Variants in ZNF462 observed in about 807,000 individuals in gnomAD.
The protein encoded by ZNF462 is zinc finger PBX1-interacting protein.
In ZNF462, 10 loss-of-function variants were observed where a neutral mutation model predicts 201.9. That is an observed-to-expected ratio of 0.05 (90% confidence interval 0.03 to 0.08). ZNF462 has a LOEUF of 0.08. Ranked by LOEUF, ZNF462 falls within the 10% of genes least tolerant of loss-of-function variation. The pLI, the probability that ZNF462 is intolerant of heterozygous loss-of-function variation, is 1.00. For synonymous variants in ZNF462, 1,227 were observed against 1,193.3 expected (o/e 1.03, Z -0.58); for missense variants, 2,523 against 3,168.3 (o/e 0.80, Z 4.89).
At position 106,905,953 on chromosome 9, in the gene ZNF462, A is replaced by G. The variant is rs192603896; in HGVS notation, c.-30-17401A>G. On this transcript the variant is annotated intron_variant, in intron 1 of 12. Transcript: ENST00000277225. This position sits in a 1 kb window ranked among gnomAD's most constrained non-coding sequence, Gnocchi z 5.9. ...AAATTGTTACAAAGTTCAGCTACAG[A>G]GTTCCTTCTCCCTGTGGAGTTTTAC... 6.6e-6 allele frequency among the ~76,000 whole-genome samples: 1 copy of G among 152,268 alleles called. No individual in the cohort carries two copies. The highest frequency in any genetic ancestry group is 1.5e-5 in the Non-Finnish European group (1 of 68,026).
Position 106,927,580 on chromosome 9 carries a change from C to T in ZNF462, c.3668C>T (p.Ala1223Val), listed in dbSNP as rs1476433684. Residue 1223 changes from alanine (A) to valine (V), a missense_variant, in exon 3 of 13, where the codon GCA becomes GTA. Ala to Val is a moderately conservative substitution (Grantham distance 64). Around this residue, in one of 15 missense-constraint regions of ZNF462, gnomAD observed 222 missense variants for 271.6 expected, o/e 0.82. Coordinates refer to ENST00000277225, the MANE Select transcript of ZNF462 (RefSeq NM_021224.6). ...AAGCACCGAGACTTCAAGGCCAATG[C>T]AGATGTGATCCGGCAGCATACGGCC... is the stretch of plus-strand genomic sequence containing the variant. ...QKKHRDFKAN[A>V]DVIRQHTATI... 1.9e-6 allele frequency: 3 copies of T among 1,613,882 alleles called. No homozygotes were observed. In the South Asian group the frequency reaches 3.3e-5, roughly 18 times the overall value.
chr9:106,956,038 A>G (rs1411289838), intron 7 of ZNF462, among the ~76,000 whole-genome samples: 1 of 152,124 alleles, frequency 6.6e-6, no homozygotes, highest in African/African-American at 2.4e-5. Flanking sequence ...ACGTCCTCCC[A>G]TGAATCACAG....
intron 7 of ZNF462, among the ~76,000 whole-genome samples, chr9:106,971,595 A>G (rs972615078): frequency 1.3e-5 from 2 of 151,532 alleles, no homozygotes; most frequent in South Asian, 4.2e-4. Flanking sequence ...AAAAAAAAAA[A>G]GAACTCTCAA....
At chr9:106,906,527 G>A (rs1210617164) in intron 1 of ZNF462, among the ~76,000 whole-genome samples, 1 of 152,148 alleles carries the variant, frequency 6.6e-6, no homozygotes, top group Non-Finnish European at 1.5e-5. Context: ...CTTAAGGCTG[G>A]AGTTTCTAAA....
intron 1 of ZNF462, among the ~76,000 whole-genome samples, chr9:106,881,770 T>G (rs1045078270): frequency 5.3e-5 from 8 of 152,200 alleles, no homozygotes; most frequent in African/African-American, 1.9e-4. Flanking sequence ...ATATGGTGGC[T>G]TTTCAAAGCC....
At position 107,003,417 on chromosome 9, in the gene ZNF462, G is replaced by A. The variant is rs2132651482; in HGVS notation, c.7180G>A (p.Glu2394Lys). 1 of 1,613,538 alleles carries A rather than the reference G, an allele frequency of 6.2e-7. No homozygotes were observed. The highest frequency in any genetic ancestry group is 1.7e-5 in the Admixed American group (1 of 59,940). ...DKEEEMNSKA[E>K]DRELMRFSDH... is the part of the protein sequence containing the mutation. Reference sequence around the variant, plus strand: ...GGAAGAAGAAATGAACAGCAAGGCTGAAGACAGAGGTTAGTCTCATCCTGC... The same window carrying A: ...GGAAGAAGAAATGAACAGCAAGGCTAAAGACAGAGGTTAGTCTCATCCTGC... The change falls in exon 11 of 13, where the codon GAA (glutamate) becomes AAA (lysine). Residue 2394 changes from glutamate to lysine, a missense_variant. Physicochemically the swap from Glu to Lys is moderately conservative, Grantham distance 56. Around this residue, in one of 15 missense-constraint regions of ZNF462, gnomAD observed 228 missense variants for 361.2 expected, o/e 0.63. Transcript: ENST00000277225. This position sits in a 1 kb window ranked among gnomAD's most constrained non-coding sequence, Gnocchi z 4.4.
intron 7 of ZNF462, among the ~76,000 whole-genome samples, chr9:106,943,057 C>CCTGTGT (rs1554708448): frequency 7.3e-6 from 1 of 136,818 alleles, no homozygotes; most frequent in Non-Finnish European, 1.6e-5. Flanking sequence ...GTTTTGCGCG[C>CCTGTGT]GCGTGTGTGT....
chr9:106,910,367 T>G (rs1332584829), intron 1 of ZNF462, among the ~76,000 whole-genome samples: 2 of 145,910 alleles, frequency 1.4e-5, no homozygotes, highest in Admixed American at 6.7e-5. Flanking sequence ...TTTTAGTTTT[T>G]TTTTTTTTTT....
Position 106,924,511 on chromosome 9 carries a change from C to T in ZNF462, c.599C>T (p.Ala200Val), listed in dbSNP as rs759413103. Residue 200 changes from alanine (A) to valine (V), a missense_variant, in exon 3 of 13, where the codon GCT becomes GTT. Physicochemically the swap from Ala to Val is moderately conservative, Grantham distance 64. Coordinates refer to ENST00000277225, the MANE Select transcript of ZNF462 (RefSeq NM_021224.6). This position sits in a 1 kb window ranked among gnomAD's most constrained non-coding sequence, Gnocchi z 6.2. ...KETTAPPPAP[A>V]PMPDPVVPPV... is the part of the protein sequence containing the mutation. Reference sequence around the variant, plus strand: ...ACCACTGCTCCCCCACCTGCTCCTGCTCCAATGCCAGACCCTGTGGTTCCG... The same window carrying T: ...ACCACTGCTCCCCCACCTGCTCCTGTTCCAATGCCAGACCCTGTGGTTCCG... The T allele has an allele frequency of 1.9e-6, 3 of 1,613,996 alleles. No individual in the cohort carries two copies. The Admixed American group carries it at 5.0e-5, about 27-fold the overall frequency.
intron 1 of ZNF462, among the ~76,000 whole-genome samples, chr9:106,875,854 C>T (rs1390790880): frequency 6.6e-6 from 1 of 152,096 alleles, no homozygotes; most frequent in Non-Finnish European, 1.5e-5. Flanking sequence ...AACTTCAGAG[C>T]AACTAAGAAC....
rs78699361 is a variant in ZNF462 at position 106,978,175 on chromosome 9, A to G, written c.6832+3902A>G. On this transcript the variant is annotated intron_variant, in intron 9 of 12. Coordinates refer to ENST00000277225, the MANE Select transcript of ZNF462 (RefSeq NM_021224.6). This position sits in a 1 kb window ranked among gnomAD's most constrained non-coding sequence, Gnocchi z 4.1. ...ACTGATTGCCATCTGCAAAGAACCT[A>G]TGTCCCAATAAAGTCTGGGGTTCCA... Among the ~76,000 whole-genome samples, 3,473 of 151,488 alleles carry G rather than the reference A, an allele frequency of 0.023. 283 individuals carry two copies. Among genetic ancestry groups the G allele is most frequent in the African/African-American group, 0.08 (3,245 of 40,798 alleles).
Position 107,003,552 on chromosome 9 carries a change from C to A in ZNF462, c.7189+126C>A. 1 of 1,243,774 alleles carries A rather than the reference C, an allele frequency of 8.0e-7. No homozygotes were observed. Among genetic ancestry groups the A allele is most frequent in the Non-Finnish European group, 1.1e-6 (1 of 933,410 alleles). 77.0% of individuals were successfully genotyped at this position (1,243,774 alleles called of 1,614,324 possible). On this transcript the variant is annotated intron_variant, in intron 11 of 12. Coordinates refer to ENST00000277225, the MANE Select transcript of ZNF462 (RefSeq NM_021224.6). The surrounding 1 kb of genome is among the most constrained non-coding windows in gnomAD (Gnocchi z 4.4). ...GATCCTTCTTAGTTAAGTAGCAGAA[C>A]AGACTGACTTAGAAAACACATCAAG... is the stretch of plus-strand genomic sequence containing the variant.
rs1281372335 is a variant in ZNF462 at position 107,009,787 on chromosome 9, C to T, written c.7313+119C>T. The stretch of plus-strand genomic sequence containing the variant: ...ACCCCTCTGTGTCACATTTCTGGGC[C>T]GTGGGAGGAGAGGCAATGGTGAGGA... On this transcript the variant is annotated intron_variant, in intron 12 of 12. Transcript: ENST00000277225. The surrounding 1 kb of genome is among the most constrained non-coding windows in gnomAD (Gnocchi z 6.1). The T allele has an allele frequency of 3.5e-6, 5 of 1,424,626 alleles. No homozygotes were observed. Among genetic ancestry groups the T allele is most frequent in the Non-Finnish European group, 4.7e-6 (5 of 1,060,608 alleles). 88.2% of individuals were successfully genotyped at this position (1,424,626 alleles called of 1,614,324 possible). A position where few individuals can be genotyped will look rare whatever the true frequency, so the allele number is the denominator to read the frequency against.
rs1269342488 is a variant in ZNF462, at chr9:106,880,888, T to C, written c.-31+17533T>C. On this transcript the variant is annotated intron_variant, in intron 1 of 12. Transcript: ENST00000277225. The surrounding 1 kb of genome is among the most constrained non-coding windows in gnomAD (Gnocchi z 4.1). ...TTACTCTGTACCTCGTGGGTTTAAC[T>C]CTGAGGTTGATAGATACAAATAGTT... 6.6e-6 allele frequency among the ~76,000 whole-genome samples: 1 copy of C among 152,216 alleles called. No homozygotes were observed. The highest frequency in any genetic ancestry group is 1.5e-5 in the Non-Finnish European group (1 of 68,028).
chr9:106,984,253 C>G lies in ZNF462; in HGVS notation c.6900C>G (p.Phe2300Leu). The G allele has an allele frequency of 6.2e-7, 1 of 1,614,088 alleles. No homozygotes were observed. Among genetic ancestry groups the G allele is most frequent in the Non-Finnish European group, 8.5e-7 (1 of 1,179,984 alleles). The change falls in exon 10 of 13, where the codon TTC (phenylalanine) becomes TTG (leucine). Residue 2300 changes from phenylalanine (F) to leucine (L), a missense_variant. Transcript: ENST00000277225. The surrounding 1 kb of genome is among the most constrained non-coding windows in gnomAD (Gnocchi z 6.4). ...CCAAATACTTGCAGGGAGTAGTTTT[C>G]CGCTGTGATAAGTGTACCTTCACCT... ...KLSKYLQGVV[F>L]RCDKCTFTCS...
At chr9:106,915,846 A>G (rs1829750104) in intron 1 of ZNF462, among the ~76,000 whole-genome samples, 1 of 152,264 alleles carries the variant, frequency 6.6e-6, no homozygotes, top group Non-Finnish European at 1.5e-5. Flanking sequence ...TTGGAGAAAG[A>G]CACACAGACA....
At position 106,876,575 on chromosome 9, in the gene ZNF462, CTG is replaced by C. The variant is rs1827838584; in HGVS notation, c.-31+13227_-31+13228del. On this transcript the variant is annotated intron_variant, in intron 1 of 12. Transcript: ENST00000277225. The surrounding 1 kb of genome is among the most constrained non-coding windows in gnomAD (Gnocchi z 4.9). The stretch of plus-strand genomic sequence containing the variant: ...GTGGATGAAGCAGCACTCTGTATTG[CTG>C]TGTGTGCATTCAGTAGGAGCTTGTA... 6.6e-6 allele frequency among the ~76,000 whole-genome samples: 1 copy of C among 152,202 alleles called. No homozygotes were observed. Among genetic ancestry groups the C allele is most frequent in the African/African-American group, 2.4e-5 (1 of 41,448 alleles).
rs767903866 is a variant in ZNF462, at chr9:106,928,112, G to C, written c.4200G>C (p.Glu1400Asp). 1 of 1,614,200 alleles carries C rather than the reference G, an allele frequency of 6.2e-7. No individual in the cohort carries two copies. Among genetic ancestry groups the C allele is most frequent in the Admixed American group, 1.7e-5 (1 of 60,022 alleles). ...AFHPWAMNGD[E>D]SVLLDIIKEK... is the part of the protein sequence containing the mutation. ...ACCCCTGGGCCATGAATGGTGATGA[G>C]TCAGTGCTACTGGACATCATCAAGG... Residue 1400 changes from glutamate (E) to aspartate (D), a missense_variant, in exon 3 of 13, where the codon GAG (glutamate) becomes GAC (aspartate). Physicochemically the swap from Glu to Asp is conservative, Grantham distance 45. This residue lies in a region of ZNF462 where 165 missense variants were observed against 142.6 expected (regional missense o/e 1.16). Transcript: ENST00000277225. The surrounding 1 kb of genome is among the most constrained non-coding windows in gnomAD (Gnocchi z 9.3).
chr9:106,935,489 C>T lies in ZNF462; in HGVS notation c.6117-14C>T, dbSNP rs375263608. 20 of 1,608,466 alleles carry T rather than the reference C, an allele frequency of 1.2e-5. No individual in the cohort carries two copies. Among genetic ancestry groups the T allele is most frequent in the Middle Eastern group, 3.3e-4 (2 of 6,068 alleles). On this transcript the variant is annotated splice_polypyrimidine_tract_variant and intron_variant, in intron 5 of 12. Coordinates refer to ENST00000277225, the MANE Select transcript of ZNF462 (RefSeq NM_021224.6). This position sits in a 1 kb window ranked among gnomAD's most constrained non-coding sequence, Gnocchi z 4.1. Reference sequence around the variant, plus strand: ...ATTTTGTCATTTTTCTTTTTGTTTTCCTTCTACATCAAGTTTGGATCGCCA... The same window carrying T: ...ATTTTGTCATTTTTCTTTTTGTTTTTCTTCTACATCAAGTTTGGATCGCCA...
Sources: allele counts gnomAD v4.1 joint callset (sites outside exome capture counted in the v4.1 genomes callset), GRCh38; gene constraint gnomAD v4.1.1; regional missense constraint gnomAD v4.1.1; non-coding constraint Gnocchi (gnomAD v3.1); transcripts MANE v1.5; gene names NCBI Gene and HGNC (gene_info 2026-07-23, HGNC 2026-07-21).